B3GLCT: variants seen among roughly 807,000 people sequenced by gnomAD.
B3GLCT encodes beta 3-glucosyltransferase.
A neutral mutation model predicts 63.4 loss-of-function variants in B3GLCT; 65 were observed. The ratio of observed to expected loss-of-function variants is 1.03; its 90% CI spans 0.84 to 1.26. B3GLCT has a LOEUF of 1.26. Ranked by LOEUF, B3GLCT falls within the 50% of genes most tolerant of loss-of-function variation. The probability of loss-of-function intolerance (pLI) is 0.00; values close to 1 mark genes in which losing one functional copy is unlikely to be tolerated. For missense variants in B3GLCT, 577 were observed against 604.8 expected, an observed-to-expected ratio of 0.95 and a Z score of 0.48; for synonymous variants, 233 against 219.2, an observed-to-expected ratio of 1.06 and a Z score of -0.55.
intron 4 of B3GLCT, among the ~76,000 whole-genome samples, chr13:31,229,682 G>C (rs1870278440): frequency 1.3e-5 from 2 of 151,550 alleles, no homozygotes. Context: ...GGAGGCAGAG[G>C]TTGCAGTGAG....
Position 31,226,592 on chromosome 13 carries a change from CTTTTTTTTTATTTTTA to C in B3GLCT, c.161-2582_161-2567del, listed in dbSNP as rs1489055549. 2.6e-5 allele frequency among the ~76,000 whole-genome samples: 4 copies of C among 151,142 alleles called. No homozygotes were observed. The South Asian group carries it at 8.4e-4, about 32-fold the overall frequency. Reference sequence around the variant, plus strand: ...GATGAGCGGTGAGCGCAGGATTAAGCTTTTTTTTTATTTTTATTTTTTTTTAGAGATGTAGTCTTGC... The same window carrying C: ...GATGAGCGGTGAGCGCAGGATTAAGCTTTTTTTTTAGAGATGTAGTCTTGC... On this transcript the variant is annotated intron_variant, in intron 3 of 14. Coordinates refer to ENST00000343307, the MANE Select transcript of B3GLCT (RefSeq NM_194318.4).
chr13:31,317,451 A>T (rs1875100958), intron 12 of B3GLCT, 115 bp from the exon 13 acceptor site: 1 of 1,253,652 alleles, frequency 8.0e-7, no homozygotes, highest in Non-Finnish European at 1.2e-6. Flanking sequence ...TTCTTCTCTT[A>T]ACTATTTCAG....
At chr13:31,289,746 G>A (rs1873550484) in intron 12 of B3GLCT, among the ~76,000 whole-genome samples, 1 of 152,142 alleles carries the variant, frequency 6.6e-6, no homozygotes, top group African/African-American at 2.4e-5. Flanking sequence ...TAGGGACAAA[G>A]CCTCACATAT....
chr13:31,203,638 A>G (rs1868794254), intron 1 of B3GLCT, among the ~76,000 whole-genome samples: 1 of 152,206 alleles, frequency 6.6e-6, no homozygotes, highest in African/African-American at 2.4e-5. Context: ...TACTTAGAGA[A>G]AATTTGCAAA....
chr13:31,312,819 A>G (rs1358811079), intron 12 of B3GLCT: 1 of 152,264 alleles, frequency 6.6e-6, no homozygotes, highest in Non-Finnish European at 1.5e-5. Flanking sequence ...TAAACTAAAC[A>G]AAACCAATGA....
At chr13:31,293,727 A>G (rs1873795859) in intron 12 of B3GLCT, among the ~76,000 whole-genome samples, 1 of 152,164 alleles carries the variant, frequency 6.6e-6, no homozygotes, top group African/African-American at 2.4e-5. Context: ...TCTCCTGAAT[A>G]CAGCACTCCA....
At chr13:31,209,896 A>G (rs369512192) in intron 1 of B3GLCT, among the ~76,000 whole-genome samples, 39 of 152,356 alleles carry the variant, frequency 2.6e-4, no homozygotes, top group African/African-American at 8.7e-4. Flanking sequence ...AAAACAAATT[A>G]AGAGAATTGG....
Position 31,285,716 on chromosome 13 carries a change from G to A in B3GLCT, c.964+955G>A, listed in dbSNP as rs191129685. Among the ~76,000 whole-genome samples the A allele has an allele frequency of 4.0e-5, 6 of 151,160 alleles. No individual in the cohort carries two copies. In the East Asian group the frequency reaches 1.2e-3, roughly 29 times the overall value. On this transcript the variant is annotated intron_variant, in intron 11 of 14. Transcript: ENST00000343307. ...AATTCTTTCATTAATATAGTACAAT[G>A]CAGAATCAGATATGCCATCTCTGTA... is the stretch of plus-strand genomic sequence containing the variant.
Position 31,329,618 on chromosome 13 carries a change from G to T in B3GLCT, c.1447G>T (p.Glu483Ter), listed in dbSNP as rs780383474. ...VYFTWLAPSD[E>*]DKARQETQKG... ...TTTCACATGGTTGGCACCCAGTGAC[G>T]AAGACAAAGCCAGGCAGGAGACACA... is the stretch of plus-strand genomic sequence containing the variant. Residue 483 changes from glutamate (E) to a stop codon, truncating the protein, a stop_gained, in exon 15 of 15, where the codon GAA becomes TAA. Coordinates refer to ENST00000343307, the MANE Select transcript of B3GLCT (RefSeq NM_194318.4). LOFTEE classifies it low-confidence loss of function (END_TRUNC). 6.2e-7 allele frequency: 1 copy of T among 1,614,192 alleles called. No homozygotes were observed.
intron 1 of B3GLCT, among the ~76,000 whole-genome samples, chr13:31,203,327 G>T (rs1318545646): frequency 6.6e-6 from 1 of 152,210 alleles, no homozygotes; most frequent in Non-Finnish European, 1.5e-5. Flanking sequence ...TTGTCATCCA[G>T]GTAGTCCAGG....
intron 13 of B3GLCT, among the ~76,000 whole-genome samples, chr13:31,323,297 G>C (rs999799206): frequency 1.3e-5 from 2 of 152,328 alleles, no homozygotes; most frequent in African/African-American, 4.8e-5. Context: ...TCACTTGTTT[G>C]ATGCATCAAA....
At chr13:31,208,631 C>CT (rs1555243808) in intron 1 of B3GLCT, among the ~76,000 whole-genome samples, 20,042 of 133,472 alleles carry the variant, frequency 0.15, 3,695 homozygotes, top group East Asian at 0.61. Context: ...CCCCCCCCCC[C>CT]GCTCACTGCC....
In B3GLCT at chr13:31,200,120, G is replaced by T. The variant is rs764781465; in HGVS notation, c.36G>T (p.Pro12=). 2 of 1,375,274 alleles carry T rather than the reference G, an allele frequency of 1.5e-6. No homozygotes were observed. Among genetic ancestry groups the T allele is most frequent in the South Asian group, 2.8e-5 (2 of 71,390 alleles). 85.2% of individuals were successfully genotyped at this position (1,375,274 alleles called of 1,614,324 possible). A position where few individuals can be genotyped will look rare whatever the true frequency, so the allele number is the denominator to read the frequency against. The change falls in exon 1 of 15, where the codon CCG becomes CCT. Residue 12 remains proline, a synonymous_variant. Coordinates refer to ENST00000343307, the MANE Select transcript of B3GLCT (RefSeq NM_194318.4). The stretch of plus-strand genomic sequence containing the variant: ...CCGCCTGCTGGTGGCTGCTCGCGCC[G>T]CCGGCGCTGCTCGCGCTCCTCACCT... The part of the protein sequence containing the change: ...RPPACWWLLA[P]PALLALLTCS...
chr13:31,316,703 G>A (rs1875053448), intron 12 of B3GLCT, among the ~76,000 whole-genome samples: 1 of 151,886 alleles, frequency 6.6e-6, no homozygotes, highest in African/African-American at 2.4e-5. Flanking sequence ...TCTAATTGGT[G>A]TAGGTTCTTA....
intron 12 of B3GLCT, among the ~76,000 whole-genome samples, chr13:31,302,443 A>G (rs1874270580): frequency 1.4e-5 from 2 of 145,170 alleles, no homozygotes; most frequent in South Asian, 4.7e-4. Context: ...GGAGTGCCAG[A>G]CAGTGGGCGC....
At chr13:31,309,152 C>G (rs1224279075) in intron 12 of B3GLCT, among the ~76,000 whole-genome samples, 1 of 152,156 alleles carries the variant, frequency 6.6e-6, no homozygotes, top group Non-Finnish European at 1.5e-5. Flanking sequence ...TTTCTCATCC[C>G]CCAGGCTTTT....
intron 7 of B3GLCT, among the ~76,000 whole-genome samples, chr13:31,263,421 T>C (rs1474367858): frequency 1.3e-5 from 2 of 152,170 alleles, no homozygotes; most frequent in Admixed American, 1.3e-4. Flanking sequence ...ATAGGGCAGT[T>C]CAACCTAACT....
chr13:31,329,618 G>A lies in B3GLCT; in HGVS notation c.1447G>A (p.Glu483Lys), dbSNP rs780383474. The change falls in exon 15 of 15, where the codon GAA becomes AAA. Residue 483 changes from glutamate to lysine, a missense_variant. By Grantham distance (56) the Glu-to-Lys change is moderately conservative. Transcript: ENST00000343307. ...TTTCACATGGTTGGCACCCAGTGAC[G>A]AAGACAAAGCCAGGCAGGAGACACA... ...VYFTWLAPSD[E>K]DKARQETQKG... The A allele has an allele frequency of 2.0e-5, 33 of 1,614,074 alleles. No homozygotes were observed. Among genetic ancestry groups the A allele is most frequent in the Admixed American group, 3.3e-5 (2 of 60,004 alleles).
intron 12 of B3GLCT, among the ~76,000 whole-genome samples, chr13:31,293,518 G>C (rs891174324): frequency 1.5e-4 from 23 of 152,252 alleles, no homozygotes; most frequent in Admixed American, 1.2e-3. Flanking sequence ...AGGATAGTTA[G>C]CTCTTCTTTT....
Sources: gnomAD v4.1 joint callset for allele counts (sites outside exome capture counted in the v4.1 genomes callset) on GRCh38, gnomAD v4.1.1 for gene constraint, MANE v1.5 for transcripts, NCBI Gene and HGNC (gene_info 2026-07-23, HGNC 2026-07-21) for gene names.